SPNS2: variants seen among roughly 807,000 people sequenced by gnomAD.
The protein encoded by SPNS2 is sphingosine-1-phosphate transporter SPNS2.
In SPNS2, 37 loss-of-function variants were observed where a neutral mutation model predicts 57.6. The ratio of observed to expected loss-of-function variants is 0.64; its 90% confidence interval spans 0.49 to 0.85. The LOEUF (loss-of-function observed/expected upper bound fraction) is 0.85. SPNS2 is among the 40% of genes least tolerant of loss of function. SPNS2 has a pLI of 0.00. For synonymous variants in SPNS2, 440 were observed against 346.9 expected, an observed-to-expected ratio of 1.27 and a Z score of -2.98; for missense variants, 831 against 779.1, an observed-to-expected ratio of 1.07 and a Z score of -0.79.
At chr17:4,517,379 C>T (rs1905022348) in intron 2 of SPNS2, among the ~76,000 whole-genome samples, 1 of 152,202 alleles carries the variant, frequency 6.6e-6, no homozygotes, top group African/African-American at 2.4e-5. Flanking sequence ...TAGAGCAGGC[C>T]AGGCGCGGTG....
intron 9 of SPNS2, among the ~76,000 whole-genome samples, chr17:4,535,685 C>G (rs1905745328): frequency 1.3e-5 from 2 of 152,124 alleles, no homozygotes; most frequent in African/African-American, 4.8e-5. Flanking sequence ...CTGCATGTAG[C>G]TGGGAGGGAG....
In SPNS2 at chr17:4,533,227, T is replaced by G; in HGVS notation, c.1089-16T>G. On this transcript the variant is annotated splice_polypyrimidine_tract_variant and intron_variant, in intron 7 of 12. Coordinates refer to ENST00000329078, the MANE Select transcript of SPNS2 (RefSeq NM_001124758.3). ...AGCCGCCTCAACTCGTGCGCCACCA[T>G]CCTCTGTCCCCACAGCCTCATCTTT... is the stretch of plus-strand genomic sequence containing the variant. The G allele has an allele frequency of 6.3e-7, 1 of 1,588,304 alleles. No individual in the cohort carries two copies. The highest frequency in any genetic ancestry group is 1.1e-5 in the South Asian group (1 of 88,414).
intron 2 of SPNS2, among the ~76,000 whole-genome samples, chr17:4,519,157 A>C (rs1443794923): frequency 1.3e-5 from 2 of 152,150 alleles, no homozygotes; most frequent in African/African-American, 4.8e-5. Flanking sequence ...GTCTTCTCCA[A>C]ATAACAGATC....
intron 1 of SPNS2, among the ~76,000 whole-genome samples, chr17:4,508,339 C>T (rs867800025): frequency 1.3e-5 from 2 of 152,122 alleles, no homozygotes; most frequent in Non-Finnish European, 2.9e-5. Flanking sequence ...CTGGGCAGTG[C>T]GTTTATAGAT....
rs764298987 is a variant in SPNS2, at chr17:4,499,279, C to G, written c.232C>G (p.Pro78Ala). 9 of 1,489,788 alleles carry G rather than the reference C, an allele frequency of 6.0e-6. No individual in the cohort carries two copies. Among genetic ancestry groups the G allele is most frequent in the Non-Finnish European group, 8.0e-6 (9 of 1,126,768 alleles). The allele number at this position is 1,489,788 out of a possible 1,614,324, so 92.3% of individuals were successfully genotyped here. ...CGGACCCCCCGGCACCCCCGGCACC[C>G]CCGGCTGCGCAGCTACTGCAAAGGG... is the stretch of plus-strand genomic sequence containing the variant. ...PTGPPGTPGT[P>A]GCAATAKGPG... Residue 78 changes from proline to alanine, a missense_variant, in exon 1 of 13, where the codon CCC (proline) becomes GCC (alanine). This residue lies in a region of SPNS2 where 305 missense variants were observed against 378.3 expected (regional missense o/e 0.81). Coordinates refer to ENST00000329078, the MANE Select transcript of SPNS2 (RefSeq NM_001124758.3). The surrounding 1 kb of genome is among the most constrained non-coding windows in gnomAD (Gnocchi z 5.2).
Position 4,536,882 on chromosome 17 carries a change from C to A in SPNS2, c.1608-18C>A. 1.9e-6 allele frequency: 3 copies of A among 1,612,518 alleles called. No individual in the cohort carries two copies. The highest frequency in any genetic ancestry group is 2.5e-6 in the Non-Finnish European group (3 of 1,179,400). On this transcript the variant is annotated intron_variant, in intron 11 of 12. Transcript: ENST00000329078. Reference sequence around the variant, plus strand: ...CCCGCTGATGCACCACCCTGACCCCCGCCCGTCTCTCCCCCAGGGTGAACC... The same window carrying A: ...CCCGCTGATGCACCACCCTGACCCCAGCCCGTCTCTCCCCCAGGGTGAACC...
At chr17:4,536,704 C>G (rs765112950) in intron 11 of SPNS2, 196 bp from the exon 12 acceptor site, 18 of 632,364 alleles carry the variant, frequency 2.8e-5, no homozygotes, top group Middle Eastern at 8.4e-4. Flanking sequence ...TACTTTCTGA[C>G]TTCTTTCTCC....
At chr17:4,507,765 C>A (rs558172425) in intron 1 of SPNS2, among the ~76,000 whole-genome samples, 7 of 152,172 alleles carry the variant, frequency 4.6e-5, no homozygotes, top group African/African-American at 1.7e-4. Context: ...AGGGGGTACG[C>A]GGGGACAAGC....
intron 4 of SPNS2, 59 bp from the exon 5 acceptor site, chr17:4,530,994 G>T: frequency 1.3e-6 from 2 of 1,589,752 alleles, no homozygotes; most frequent in Admixed American, 1.7e-5. Flanking sequence ...AGACCAGCGG[G>T]CACTCCCTGT....
rs557405412 is a variant in SPNS2, at chr17:4,538,466, C to A, written c.*1018C>A. 339 of 128,342 alleles carry A rather than the reference C, an allele frequency of 2.6e-3. 2 individuals carry two copies. Among genetic ancestry groups the A allele is most frequent in the African/African-American group, 0.016 (312 of 19,062 alleles). The allele number at this position is 128,342 out of a possible 1,614,324, so 8.0% of individuals were successfully genotyped here. A position where few individuals can be genotyped will look rare whatever the true frequency, so the allele number is the denominator to read the frequency against. ...TGGCTGCTGGCATTCCACCAAGTGA[C>A]CCCAGGGGGGGGCCAGGCCTTCGAT... On this transcript the variant is annotated 3_prime_UTR_variant, in exon 13 of 13. Transcript: ENST00000329078.
rs2046003281 is a variant in SPNS2 at position 4,499,624 on chromosome 17, CA to C, written c.370+208del. On this transcript the variant is annotated intron_variant, in intron 1 of 12. Coordinates refer to ENST00000329078, the MANE Select transcript of SPNS2 (RefSeq NM_001124758.3). This position sits in a 1 kb window ranked among gnomAD's most constrained non-coding sequence, Gnocchi z 5.2. Reference sequence around the variant, plus strand: ...TACAATCCAGCTCCCCGCTCATACACACCCGGGGCCAAGGGATAGAGGAGTC... The same window carrying C: ...TACAATCCAGCTCCCCGCTCATACACCCCGGGGCCAAGGGATAGAGGAGTC... 1 of 400,416 alleles carries C rather than the reference CA, an allele frequency of 2.5e-6. No individual in the cohort carries two copies. The highest frequency in any genetic ancestry group is 3.7e-5 in the East Asian group (1 of 27,204). The allele number at this position is 400,416 out of a possible 1,614,324, so 24.8% of individuals were successfully genotyped here. A position where few individuals can be genotyped will look rare whatever the true frequency, so the allele number is the denominator to read the frequency against.
intron 1 of SPNS2, among the ~76,000 whole-genome samples, chr17:4,507,598 G>A (rs547128115): frequency 2.0e-5 from 3 of 152,216 alleles, no homozygotes; most frequent in Non-Finnish European, 2.9e-5. Context: ...ATTTCCCCAA[G>A]GTCACACAGC....
chr17:4,526,760 G>A (rs1279094118), intron 3 of SPNS2, among the ~76,000 whole-genome samples: 2 of 152,166 alleles, frequency 1.3e-5, no homozygotes, highest in South Asian at 2.1e-4. Flanking sequence ...AAGAACAATG[G>A]CGGGGTCAGA....
chr17:4,519,186 G>T (rs569840255), intron 2 of SPNS2, among the ~76,000 whole-genome samples: 1 of 152,184 alleles, frequency 6.6e-6, no homozygotes, highest in Non-Finnish European at 1.5e-5. Context: ...AAAAATAGCC[G>T]TGGCTCAGCC....
intron 2 of SPNS2, among the ~76,000 whole-genome samples, chr17:4,516,388 C>A (rs558088368): frequency 6.6e-6 from 1 of 151,706 alleles, no homozygotes; most frequent in Non-Finnish European, 1.5e-5. Flanking sequence ...AAATCAGGAG[C>A]CCCCATGGCC....
Position 4,536,081 on chromosome 17 carries a change from G to C in SPNS2, c.1350G>C (p.Val450=), listed in dbSNP as rs745998126. 1 of 1,611,310 alleles carries C rather than the reference G, an allele frequency of 6.2e-7. No individual in the cohort carries two copies. Among genetic ancestry groups the C allele is most frequent in the South Asian group, 1.1e-5 (1 of 91,034 alleles). The part of the protein sequence containing the change: ...WAITADILMY[V]VIPTRRATAV... ...CCTGCCCGCCTGTTCCGCAGTACGT[G>C]GTCATCCCCACGCGGCGCGCCACTG... Residue 450 remains valine (V), a synonymous_variant, in exon 10 of 13, where the codon GTG becomes GTC. Coordinates refer to ENST00000329078, the MANE Select transcript of SPNS2 (RefSeq NM_001124758.3).
chr17:4,518,688 G>C (rs1905061382), intron 2 of SPNS2, among the ~76,000 whole-genome samples: 1 of 152,190 alleles, frequency 6.6e-6, no homozygotes, highest in Non-Finnish European at 1.5e-5. Context: ...CGGAGGGAGA[G>C]TGGGGACAGA....
rs760964779 is a variant in SPNS2 at position 4,533,943 on chromosome 17, G to A, written c.1344+90G>A. On this transcript the variant is annotated intron_variant, in intron 9 of 12. Coordinates refer to ENST00000329078, the MANE Select transcript of SPNS2 (RefSeq NM_001124758.3). ...CCTGGGGAGGGCGGGTGAAGGGGCGGGAGAGCTGGTAGGAAGGCAGGCCTG... is the reference window on the plus strand; with the variant it reads ...CCTGGGGAGGGCGGGTGAAGGGGCGAGAGAGCTGGTAGGAAGGCAGGCCTG... 1.6e-5 allele frequency: 18 copies of A among 1,149,952 alleles called. 1 individual carries two copies. In the Middle Eastern group the frequency reaches 1.0e-3, roughly 67 times the overall value. The allele number at this position is 1,149,952 out of a possible 1,614,324, so 71.2% of individuals were successfully genotyped here.
intron 3 of SPNS2, among the ~76,000 whole-genome samples, chr17:4,526,280 T>C (rs1037542989): frequency 3.3e-5 from 5 of 152,142 alleles, no homozygotes; most frequent in Non-Finnish European, 7.3e-5. Context: ...GCCAACCCAC[T>C]GATGCAGAAA....
Sources: allele counts gnomAD v4.1 joint callset (sites outside exome capture counted in the v4.1 genomes callset), GRCh38; gene constraint gnomAD v4.1.1; regional missense constraint gnomAD v4.1.1; non-coding constraint Gnocchi (gnomAD v3.1); transcripts MANE v1.5; gene names NCBI Gene and HGNC (gene_info 2026-07-23, HGNC 2026-07-21).